CR2: variants seen among roughly 807,000 people sequenced by gnomAD.
The protein encoded by CR2 is complement C3d receptor 2.
Under a neutral mutation model 123.0 loss-of-function variants are expected in CR2, and 96 were observed. That is an observed-to-expected ratio of 0.78 (90% CI 0.66 to 0.93). The LOEUF is 0.93. Among genes scored for constraint, CR2 ranks in the 40% least tolerant of loss-of-function variants. CR2 has a pLI of 0.00. For synonymous variants in CR2, 484 were observed against 469.5 expected (o/e 1.03, Z -0.40); for missense variants, 1,258 against 1,361.0 (o/e 0.92, Z 1.19).
At position 207,469,950 on chromosome 1, in the gene CR2, G is replaced by A. The variant is rs200395047; in HGVS notation, c.1073G>A (p.Arg358Lys). 2.8e-5 allele frequency: 45 copies of A among 1,614,006 alleles called. No individual in the cohort carries two copies. The Admixed American group carries it at 3.0e-4, about 11-fold the overall frequency. Residue 358 changes from arginine (R) to lysine (K), a missense_variant, in exon 6 of 20, where the codon AGA becomes AAA. Coordinates refer to ENST00000367057, the MANE Select transcript of CR2 (RefSeq NM_001006658.3). Reference protein sequence around the residue: ...AVQCPHPQILRGRMVSGQKDR... With the variant: ...AVQCPHPQILKGRMVSGQKDR... The stretch of plus-strand genomic sequence containing the variant: ...CAGTGTCCACATCCCCAGATCCTAA[G>A]AGGCCGAATGGTATCTGGGCAGAAA...
chr1:207,476,486 G>A, intron 15 of CR2, 67 bp downstream of exon 15: 1 of 1,428,374 alleles, frequency 7.0e-7, no homozygotes, highest in Non-Finnish European at 9.6e-7. Context: ...ATTCAGTTGG[G>A]TACTTTCAAC....
intron 1 of CR2, among the ~76,000 whole-genome samples, chr1:207,465,713 C>T (rs1412560486): frequency 6.6e-6 from 1 of 152,164 alleles, no homozygotes; most frequent in Non-Finnish European, 1.5e-5. Flanking sequence ...GCAATTTTCC[C>T]TTTATTCTGA....
At chr1:207,464,849 A>G (rs1291746263) in intron 1 of CR2, among the ~76,000 whole-genome samples, 1 of 152,074 alleles carries the variant, frequency 6.6e-6, no homozygotes, top group Non-Finnish European at 1.5e-5. Context: ...TATGGTACCT[A>G]TGGAAAGAGC....
At chr1:207,466,005 T>G (rs968443256) in intron 1 of CR2, among the ~76,000 whole-genome samples, 1 of 152,254 alleles carries the variant, frequency 6.6e-6, no homozygotes, top group Admixed American at 6.5e-5. Flanking sequence ...TTGTACTTTC[T>G]CTGTTCATGT....
Position 207,454,351 on chromosome 1 carries a change from C to A in CR2, c.-68C>A. The A allele has an allele frequency of 7.3e-7, 1 of 1,369,998 alleles. No homozygotes were observed. The allele number at this position is 1,369,998 out of a possible 1,614,324, so 84.9% of individuals were successfully genotyped here. The stretch of plus-strand genomic sequence containing the variant: ...ACAGCTGCTTGCTGCTCCAGCCTTG[C>A]CCTCCCAGAGCTGCCGGACGCTCGC... On this transcript the variant is annotated 5_prime_UTR_variant, in exon 1 of 20. Coordinates refer to ENST00000367057, the MANE Select transcript of CR2 (RefSeq NM_001006658.3). The surrounding 1 kb of genome is among the most constrained non-coding windows in gnomAD (Gnocchi z 4.3).
chr1:207,461,982 A>G (rs1053895582), intron 1 of CR2, among the ~76,000 whole-genome samples: 2 of 152,164 alleles, frequency 1.3e-5, no homozygotes, highest in Non-Finnish European at 2.9e-5. Context: ...ATAGCTGGCC[A>G]AACCTATTCA....
intron 13 of CR2, 39 bp downstream of exon 13, chr1:207,474,362 A>C (rs1658375875): frequency 1.4e-6 from 2 of 1,391,822 alleles, no homozygotes; most frequent in Non-Finnish European, 2.0e-6. Flanking sequence ...ATGGTAATGG[A>C]GGATTAGAGA....
intron 18 of CR2, among the ~76,000 whole-genome samples, chr1:207,481,960 G>A (rs546502591): frequency 2.2e-4 from 33 of 151,702 alleles, no homozygotes; most frequent in South Asian, 2.1e-3. Flanking sequence ...CATATCTACC[G>A]ATTATACATT....
At chr1:207,466,241 T>A (rs534896732) in intron 1 of CR2, among the ~76,000 whole-genome samples, 1 of 152,320 alleles carries the variant, frequency 6.6e-6, no homozygotes, top group African/African-American at 2.4e-5. Context: ...GTGCTGAATT[T>A]GCCTTTTGTT....
chr1:207,478,126 G>GA, intron 16 of CR2, 56 bp downstream of exon 16: 1 of 1,564,728 alleles, frequency 6.4e-7, no homozygotes. Context: ...AGAAGAGAGT[G>GA]AGAGTTTCCC....
chr1:207,468,429 T>C (rs1658164489), intron 2 of CR2, 98 bp from the exon 3 acceptor site: 1 of 1,197,974 alleles, frequency 8.3e-7, no homozygotes, highest in African/African-American at 1.5e-5. Context: ...CTTCTTCCAA[T>C]GTTGCCCAGG....
intron 18 of CR2, among the ~76,000 whole-genome samples, chr1:207,482,415 C>T (rs1389508723): frequency 6.6e-6 from 1 of 151,992 alleles, no homozygotes; most frequent in Non-Finnish European, 1.5e-5. Context: ...CTAGTATATA[C>T]ATGCATGGCT....
At chr1:207,467,719 G>A (rs1045981178) in intron 2 of CR2, among the ~76,000 whole-genome samples, 6 of 152,170 alleles carry the variant, frequency 3.9e-5, no homozygotes, top group Non-Finnish European at 8.8e-5. Context: ...AGATCTTAAC[G>A]ATAGTTACAA....
Position 207,476,429 on chromosome 1 carries a change from C to G in CR2, c.2902+10C>G. On this transcript the variant is annotated intron_variant, in intron 15 of 19. Coordinates refer to ENST00000367057, the MANE Select transcript of CR2 (RefSeq NM_001006658.3). ...GCCCCTCATTGTAAAGGTGCTTTGTCTATTTTTTATTCTTATTTTTATATC... is the reference window on the plus strand; with the variant it reads ...GCCCCTCATTGTAAAGGTGCTTTGTGTATTTTTTATTCTTATTTTTATATC... 6.2e-7 allele frequency: 1 copy of G among 1,610,934 alleles called. No individual in the cohort carries two copies. The highest frequency in any genetic ancestry group is 8.5e-7 in the Non-Finnish European group (1 of 1,178,844).
chr1:207,460,185 C>A (rs1030930622), intron 1 of CR2, among the ~76,000 whole-genome samples: 2 of 152,150 alleles, frequency 1.3e-5, no homozygotes, highest in Admixed American at 1.3e-4. Flanking sequence ...TGAAGTTTGT[C>A]TTCATTGAGG....
At chr1:207,483,147 C>T (rs746888975) in intron 18 of CR2, among the ~76,000 whole-genome samples, 10 of 152,150 alleles carry the variant, frequency 6.6e-5, no homozygotes, top group Non-Finnish European at 1.0e-4. Context: ...TACCAACTCT[C>T]AGGTAGCTCC....
chr1:207,484,540 A>T (rs549541150), intron 18 of CR2, among the ~76,000 whole-genome samples: 3 of 152,258 alleles, frequency 2.0e-5, no homozygotes, highest in African/African-American at 7.2e-5. Flanking sequence ...ACAAAGCTTA[A>T]ATCTCACATT....
rs189823830 is a variant in CR2, at chr1:207,473,551, A to G, written c.1985A>G (p.Gln662Arg). Residue 662 changes from glutamine to arginine, a missense_variant, in exon 11 of 20, where the codon CAG (glutamine) becomes CGG (arginine). Gln to Arg is a conservative substitution (Grantham distance 43). Transcript: ENST00000367057. ...AGGGAGTTTTTCTCTTCAGGCTGCC[A>G]GTCACCTCCTGGGCTCCACCATGGT... ...PEIPVCEKGC[Q>R]SPPGLHHGRH... The G allele has an allele frequency of 2.2e-5, 35 of 1,613,736 alleles. No homozygotes were observed. Among genetic ancestry groups the G allele is most frequent in the Non-Finnish European group, 2.8e-5 (33 of 1,179,674 alleles).
Position 207,470,827 on chromosome 1 carries a change from G to A in CR2, c.1313G>A (p.Ser438Asn). The A allele has an allele frequency of 6.2e-7, 1 of 1,613,884 alleles. No individual in the cohort carries two copies. Among genetic ancestry groups the A allele is most frequent in the Non-Finnish European group, 8.5e-7 (1 of 1,179,870 alleles). ...RFDPGTSIKY[S>N]CNPGYVLVGE... ...GACCCTGGAACATCTATAAAATATA[G>A]CTGTAACCCTGGCTATGTGCTGGTG... is the stretch of plus-strand genomic sequence containing the variant. The change falls in exon 7 of 20, where the codon AGC becomes AAC. Residue 438 changes from serine (S) to asparagine (N), a missense_variant. Transcript: ENST00000367057.
Sources: allele counts gnomAD v4.1 joint callset (sites outside exome capture counted in the v4.1 genomes callset), GRCh38; gene constraint gnomAD v4.1.1; non-coding constraint Gnocchi (gnomAD v3.1); transcripts MANE v1.5; gene names NCBI Gene and HGNC (gene_info 2026-07-23, HGNC 2026-07-21).